The following ZNF527 variants were observed in gnomAD, a reference collection of about 807,000 sequenced individuals.
ZNF527 encodes the protein zinc finger protein 527.
A neutral mutation model predicts 13.5 loss-of-function variants in ZNF527; 5 were observed. That is an observed-to-expected ratio of 0.37 (90% CI 0.19 to 0.78). The LOEUF is 0.78. ZNF527 is among the 30% of genes least tolerant of loss of function. ZNF527 has a pLI of 0.48. For missense variants in ZNF527, 628 were observed against 726.4 expected, an observed-to-expected ratio of 0.86 and a Z score of 1.56; for synonymous variants, 209 against 243.1, an observed-to-expected ratio of 0.86 and a Z score of 1.30.
intron 2 of ZNF527, among the ~76,000 whole-genome samples, chr19:37,374,677 T>C (rs1236868157): frequency 1.3e-5 from 2 of 152,194 alleles, no homozygotes; most frequent in Non-Finnish European, 2.9e-5. Flanking sequence ...ATTCCAGGAA[T>C]AGCAATGAGT....
intron 2 of ZNF527, among the ~76,000 whole-genome samples, chr19:37,375,422 C>T (rs1408911810): frequency 2.0e-5 from 3 of 147,620 alleles, no homozygotes; most frequent in Admixed American, 1.4e-4. Flanking sequence ...AGTGCAATGG[C>T]GCAATCTCGG....
intron 2 of ZNF527, among the ~76,000 whole-genome samples, chr19:37,375,243 TTTC>T (rs1289541273): frequency 9.1e-5 from 3 of 32,888 alleles, no homozygotes; most frequent in Non-Finnish European, 6.3e-5. Context: ...CTTAGTGTAT[TTTC>T]TTTCTTTCTT....
At position 37,375,301 on chromosome 19, in the gene ZNF527, T is replaced by TC. The variant is rs148814420; in HGVS notation, c.33+1071dup. Among the ~76,000 whole-genome samples, 7 of 122,286 alleles carry TC rather than the reference T, an allele frequency of 5.7e-5. No homozygotes were observed. The East Asian group carries it at 7.2e-4, about 13-fold the overall frequency. The allele number at this position is 122,286 out of a possible 152,430, so 80.2% of individuals were successfully genotyped here. ...TTCTTTCTTTCTTTCTTTCTTTCTT[T>TC]CTTTCTTTCTTTTCTTTCTTTCTTT... On this transcript the variant is annotated intron_variant, in intron 2 of 4. Transcript: ENST00000436120.
intron 4 of ZNF527, chr19:37,385,622 TC>T (rs1381293892): frequency 3.1e-6 from 1 of 320,902 alleles, no homozygotes; most frequent in African/African-American, 2.1e-5. Flanking sequence ...TGAAATAAAA[TC>T]CTTATGGAAT....
intron 4 of ZNF527, among the ~76,000 whole-genome samples, chr19:37,382,951 C>T (rs2040666527): frequency 6.6e-6 from 1 of 152,116 alleles, no homozygotes; most frequent in African/African-American, 2.4e-5. Context: ...GTGATCCGTG[C>T]CAGCCTTGGC....
intron 2 of ZNF527, among the ~76,000 whole-genome samples, chr19:37,375,249 T>TCTTC (rs2040589893): frequency 1.4e-5 from 1 of 72,902 alleles, no homozygotes; most frequent in Admixed American, 1.4e-4. Flanking sequence ...GTATTTTCTT[T>TCTTC]CTTTCTTTCT....
In ZNF527 at chr19:37,389,491, C is replaced by T. The variant is rs1275636268; in HGVS notation, c.1442C>T (p.Thr481Ile). Reference protein sequence around the residue: ...ECIKCGKFFRTDSQLNRHHRI... With the variant: ...ECIKCGKFFRIDSQLNRHHRI... ...ATCAAATGTGGGAAGTTTTTTAGGA[C>T]TGACTCACAACTTAATCGACATCAT... Residue 481 changes from threonine (T) to isoleucine (I), a missense_variant, in exon 5 of 5, where the codon ACT becomes ATT. Around this residue, in one of 3 missense-constraint regions of ZNF527, gnomAD observed 592 missense variants for 678.0 expected, o/e 0.87. Coordinates refer to ENST00000436120, the MANE Select transcript of ZNF527 (RefSeq NM_032453.2). 1.2e-6 allele frequency: 2 copies of T among 1,613,700 alleles called. No homozygotes were observed. The highest frequency in any genetic ancestry group is 1.1e-5 in the South Asian group (1 of 91,056).
At chr19:37,378,034 CTTT>C (rs111409931) in intron 2 of ZNF527, among the ~76,000 whole-genome samples, 1 of 143,852 alleles carries the variant, frequency 7.0e-6, no homozygotes, top group Non-Finnish European at 1.5e-5. Context: ...TATTTCTTTT[CTTT>C]TTTTTTTTTT....
chr19:37,377,371 G>A (rs1417544949), intron 2 of ZNF527, among the ~76,000 whole-genome samples: 2 of 152,132 alleles, frequency 1.3e-5, no homozygotes, highest in African/African-American at 4.8e-5. Flanking sequence ...GTGGCTGGAG[G>A]ATGAGGAAGT....
rs1022024971 is a variant in ZNF527, at chr19:37,372,467, CTTT to C, written c.-42+1262_-42+1264del. Reference sequence around the variant, plus strand: ...CCTTTCTTTTCTTTTCTTTTCTTTTCTTTTTTTTTTTTTTTTTTTTTTTGAGAC... The same window carrying C: ...CCTTTCTTTTCTTTTCTTTTCTTTTCTTTTTTTTTTTTTTTTTTTTGAGAC... On this transcript the variant is annotated intron_variant, in intron 1 of 4. Transcript: ENST00000436120. 2.7e-4 allele frequency among the ~76,000 whole-genome samples: 18 copies of C among 65,640 alleles called. No individual in the cohort carries two copies. In the South Asian group the frequency reaches 9.9e-3, roughly 36 times the overall value. 43.1% of individuals were successfully genotyped at this position (65,640 alleles called of 152,430 possible).
intron 2 of ZNF527, among the ~76,000 whole-genome samples, chr19:37,375,331 C>CTTTCTTTCTTTCTTTCTTTCT (rs2040597742): frequency 8.6e-6 from 1 of 116,846 alleles, no homozygotes; most frequent in African/African-American, 3.2e-5. Context: ...TTCTTTCTTT[C>CTTTCTTTCTTTCTTTCTTTCT]TTTCTTTCCT....
At position 37,388,596 on chromosome 19, in the gene ZNF527, A is replaced by T. The variant is rs753609314; in HGVS notation, c.547A>T (p.Lys183Ter). Reference protein sequence around the residue: ...PLKSVFLTQQKVPTIQQVHKF... With the variant: ...PLKSVFLTQQ ...GAAATCAGTATTTTTAACACAACAG[A>T]AAGTTCCTACCATACAGCAAGTACA... is the stretch of plus-strand genomic sequence containing the variant. The change falls in exon 5 of 5, where the codon AAA (lysine) becomes TAA (stop). Residue 183 changes from lysine (K) to a stop codon, truncating the protein, a stop_gained. Coordinates refer to ENST00000436120, the MANE Select transcript of ZNF527 (RefSeq NM_032453.2). LOFTEE classifies it low-confidence loss of function (END_TRUNC). 1.9e-6 allele frequency: 3 copies of T among 1,614,158 alleles called. No individual in the cohort carries two copies. The highest frequency in any genetic ancestry group is 3.3e-5 in the Admixed American group (2 of 60,022).
At chr19:37,385,559 T>C (rs568596010) in intron 4 of ZNF527, 43 of 386,254 alleles carry the variant, frequency 1.1e-4, no homozygotes, top group African/African-American at 8.5e-4. Flanking sequence ...AATTTTCTTT[T>C]ATATTATTGA....
chr19:37,383,104 G>A (rs1182807949), intron 4 of ZNF527, among the ~76,000 whole-genome samples: 1 of 152,118 alleles, frequency 6.6e-6, no homozygotes, highest in East Asian at 1.9e-4. Context: ...CACATTTAGT[G>A]GCTTAATCCA....
chr19:37,380,394 A>G, intron 4 of ZNF527, 22 bp downstream of exon 4: 1 of 1,603,538 alleles, frequency 6.2e-7, no homozygotes, highest in Non-Finnish European at 8.5e-7. Flanking sequence ...ATCACCAGGC[A>G]GGGAGGACTA....
chr19:37,375,788 G>T (rs2040603157), intron 2 of ZNF527, among the ~76,000 whole-genome samples: 1 of 152,264 alleles, frequency 6.6e-6, no homozygotes, highest in East Asian at 1.9e-4. Flanking sequence ...CACAAGAAGA[G>T]GAGGAACCAG....
intron 4 of ZNF527, among the ~76,000 whole-genome samples, chr19:37,383,366 G>C (rs1156645832): frequency 6.6e-6 from 1 of 152,076 alleles, no homozygotes; most frequent in East Asian, 1.9e-4. Context: ...CTCCCGAGTA[G>C]CTGGGATTAC....
In ZNF527 at chr19:37,388,868, C is replaced by A. The variant is rs1413975798; in HGVS notation, c.819C>A (p.Pro273=). The A allele has an allele frequency of 6.2e-7, 1 of 1,614,150 alleles. No homozygotes were observed. The highest frequency in any genetic ancestry group is 2.2e-5 in the East Asian group (1 of 44,870). Residue 273 remains proline, a synonymous_variant, in exon 5 of 5, where the codon CCC becomes CCA. Coordinates refer to ENST00000436120, the MANE Select transcript of ZNF527 (RefSeq NM_032453.2). ...AGACCACTCATTTTGGAAAATTACC[C>A]CATGGATACGATGAATGTGGTGATG... ...QHQTTHFGKL[P]HGYDECGDAF...
intron 2 of ZNF527, among the ~76,000 whole-genome samples, chr19:37,376,861 AAAG>A (rs753560567): frequency 5.6e-4 from 85 of 152,176 alleles, no homozygotes; most frequent in Non-Finnish European, 1.0e-3. Context: ...TCAGTACAAA[AAAG>A]AGTGTAAGAA....
Sources: allele counts gnomAD v4.1 joint callset (sites outside exome capture counted in the v4.1 genomes callset), GRCh38; gene constraint gnomAD v4.1.1; regional missense constraint gnomAD v4.1.1; transcripts MANE v1.5; gene names NCBI Gene and HGNC (gene_info 2026-07-23, HGNC 2026-07-21).